The following PCDH15 variants were observed in gnomAD, a reference collection of about 807,000 sequenced individuals.
The protein encoded by PCDH15 is protocadherin-15.
A neutral mutation model predicts 178.5 loss-of-function variants in PCDH15; 129 were observed. The ratio of observed to expected loss-of-function variants is 0.72; its 90% CI spans 0.63 to 0.84. PCDH15 has a LOEUF of 0.84. Among genes scored for constraint, PCDH15 ranks in the 40% least tolerant of loss-of-function variants. The pLI is 0.00. For synonymous variants in PCDH15, 800 were observed against 732.0 expected (o/e 1.09, Z -1.50); for missense variants, 2,230 against 2,099.9 (o/e 1.06, Z -1.21).
intron 18 of PCDH15, among the ~76,000 whole-genome samples, chr10:54,056,655 A>G (rs10763059): frequency 0.59 from 89,754 of 151,848 alleles, 26,646 homozygotes; most frequent in Middle Eastern, 0.73. Context: ...CAGCCAAACC[A>G]TATCATCCCA....
intron 2 of PCDH15, among the ~76,000 whole-genome samples, chr10:55,113,019 G>A (rs532559265): frequency 2.0e-5 from 3 of 151,778 alleles, no homozygotes; most frequent in Non-Finnish European, 4.4e-5. Flanking sequence ...TTCTTTGTTC[G>A]TGACACCAAG....
intron 14 of PCDH15, among the ~76,000 whole-genome samples, chr10:54,152,719 T>G (rs2044661788): frequency 2.6e-5 from 4 of 152,088 alleles, no homozygotes; most frequent in Admixed American, 2.0e-4. Context: ...TGTGCGAGTC[T>G]GTGTGTGTAT....
intron 3 of PCDH15, among the ~76,000 whole-genome samples, chr10:54,868,874 A>T (rs539402300): frequency 1.3e-5 from 2 of 152,332 alleles, no homozygotes; most frequent in African/African-American, 4.8e-5. Flanking sequence ...TATAAGATAC[A>T]AAAGAAGACA....
At chr10:53,900,354 A>AC (rs1331936034) in intron 26 of PCDH15, among the ~76,000 whole-genome samples, 1 of 151,802 alleles carries the variant, frequency 6.6e-6, no homozygotes, top group African/African-American at 2.4e-5. Flanking sequence ...AGTCTGAATT[A>AC]CCCACTGATA....
At chr10:55,465,548 T>A (rs1839814227) in intron 2 of PCDH15, among the ~76,000 whole-genome samples, 1 of 152,124 alleles carries the variant, frequency 6.6e-6, no homozygotes, top group African/African-American at 2.4e-5. Flanking sequence ...GTGATTCTGA[T>A]GTGCACCCAG....
chr10:55,429,731 C>CT, intron 2 of PCDH15, among the ~76,000 whole-genome samples: 1 of 152,188 alleles, frequency 6.6e-6, no homozygotes, highest in Admixed American at 6.6e-5. Context: ...CAGTAACAAT[C>CT]TAGTCTAGCT....
intron 1 of PCDH15, among the ~76,000 whole-genome samples, chr10:54,697,668 G>GGAAGGAAGGAA (rs59004193): frequency 3.2e-5 from 3 of 92,644 alleles, no homozygotes; most frequent in South Asian, 4.2e-4. Flanking sequence ...AAGGGGAAGG[G>GGAAGGAAGGAA]GGAAGGGGAA....
rs138188165 is a variant in PCDH15, at chr10:55,124,937, T to G, written c.-80+41639A>C. ...TAAGTCAGATATCCTCATTACAAATTCTTTCCATCAGGACTCTAGGACTTT... is the reference window on the plus strand; with the variant it reads ...TAAGTCAGATATCCTCATTACAAATGCTTTCCATCAGGACTCTAGGACTTT... On this transcript the variant is annotated intron_variant, in intron 2 of 5. Transcript: ENST00000458638. Among the ~76,000 whole-genome samples the G allele has an allele frequency of 5.0e-3, 757 of 152,108 alleles. 6 individuals are homozygous for G. Among genetic ancestry groups the G allele is most frequent in the African/African-American group, 0.018 (731 of 41,492 alleles).
At chr10:54,599,693 C>A in intron 2 of PCDH15, 1 of 440,472 alleles carries the variant, frequency 2.3e-6, no homozygotes, top group South Asian at 1.9e-5. Context: ...CCAGTGAAAG[C>A]AACTGCACCT....
At chr10:55,558,162 G>A (rs1422738969) in intron 2 of PCDH15, among the ~76,000 whole-genome samples, 1 of 151,898 alleles carries the variant, frequency 6.6e-6, no homozygotes, top group Non-Finnish European at 1.5e-5. Context: ...CACAGCATGG[G>A]CTTCTGTTCA....
chr10:54,454,538 C>G (rs1004259429), intron 3 of PCDH15, among the ~76,000 whole-genome samples: 21 of 150,690 alleles, frequency 1.4e-4, no homozygotes, highest in African/African-American at 5.1e-4. Flanking sequence ...ATAAATATTT[C>G]TGTGGATTAT....
chr10:55,611,257 T>G (rs1245791180), intron 2 of PCDH15, among the ~76,000 whole-genome samples: 1 of 151,906 alleles, frequency 6.6e-6, no homozygotes, highest in African/African-American at 2.4e-5. Flanking sequence ...TATTTGCAAA[T>G]CATAGGTCTG....
chr10:54,247,703 T>C (rs1421915730), intron 8 of PCDH15, among the ~76,000 whole-genome samples: 1 of 151,740 alleles, frequency 6.6e-6, no homozygotes, highest in African/African-American at 2.4e-5. Flanking sequence ...TGAACTCCTA[T>C]GTCCTACAAC....
intron 32 of PCDH15, chr10:53,821,186 TA>T (rs1212242493): frequency 7.2e-6 from 7 of 972,936 alleles, no homozygotes; most frequent in Non-Finnish European, 8.5e-6. Context: ...ACTGAAAAAG[TA>T]TAAGATTTAT....
chr10:53,885,596 T>C (rs1044848072), intron 26 of PCDH15, among the ~76,000 whole-genome samples: 5 of 152,094 alleles, frequency 3.3e-5, no homozygotes, highest in African/African-American at 1.2e-4. Context: ...AAGCTACAGA[T>C]AACCATTGAC....
intron 2 of PCDH15, among the ~76,000 whole-genome samples, chr10:55,366,851 T>C (rs1463468227): frequency 1.3e-5 from 2 of 152,082 alleles, no homozygotes; most frequent in Non-Finnish European, 2.9e-5. Flanking sequence ...CTAAAATGTA[T>C]CTATTTTCTC....
chr10:54,608,207 A>G (rs2092830203), intron 2 of PCDH15, among the ~76,000 whole-genome samples: 1 of 151,646 alleles, frequency 6.6e-6, no homozygotes, highest in Admixed American at 6.6e-5. Context: ...GTGGCTCACA[A>G]CTGTAATCCC....
intron 2 of PCDH15, among the ~76,000 whole-genome samples, chr10:55,470,456 A>C (rs1839932530): frequency 6.6e-6 from 1 of 152,064 alleles, no homozygotes; most frequent in Non-Finnish European, 1.5e-5. Context: ...TCTTCCTTCT[A>C]TTTATTTTAA....
At chr10:54,911,159 C>T (rs1954807769) in intron 2 of PCDH15, among the ~76,000 whole-genome samples, 1 of 152,130 alleles carries the variant, frequency 6.6e-6, no homozygotes, top group Admixed American at 6.6e-5. Context: ...AGGCAGATAA[C>T]ACAGGTCTTC....
Sources: gnomAD v4.1 joint callset for allele counts (sites outside exome capture counted in the v4.1 genomes callset) on GRCh38, gnomAD v4.1.1 for gene constraint, MANE v1.5 for transcripts, NCBI Gene and HGNC (gene_info 2026-07-23, HGNC 2026-07-21) for gene names.